MEPE: variants seen among roughly 807,000 people sequenced by gnomAD.
MEPE encodes the protein matrix, extracellular phosphoglycoprotein with ASARM motif (bone).
In MEPE, 7 loss-of-function variants were observed where a neutral mutation model predicts 7.3. That is an observed-to-expected ratio of 0.95 (90% confidence interval 0.54 to 1.79). The LOEUF is 1.79. Ranked by LOEUF, MEPE falls within the 40% of genes most tolerant of loss-of-function variation. MEPE has a pLI of 0.00. For synonymous variants in MEPE, 214 were observed against 213.1 expected, an observed-to-expected ratio of 1.00 and a Z score of -0.04; for missense variants, 623 against 628.2, an observed-to-expected ratio of 0.99 and a Z score of 0.09.
intron 3 of MEPE, chr4:87,839,537 C>G: frequency 1.6e-6 from 1 of 617,896 alleles, no homozygotes; most frequent in Non-Finnish European, 2.9e-6. Flanking sequence ...GACACACACC[C>G]TCCTGTGGTT....
intron 1 of MEPE, among the ~76,000 whole-genome samples, chr4:87,834,064 T>C (rs997464190): frequency 1.3e-5 from 2 of 152,206 alleles, no homozygotes; most frequent in Non-Finnish European, 2.9e-5. Flanking sequence ...CCGCCTAACT[T>C]GTAGGGTTGT....
Position 87,834,711 on chromosome 4 carries a change from A to G in MEPE, c.-4A>G, listed in dbSNP as rs371496001. ...TTGTTGTCTTTTTACAGAGATTCTC[A>G]AAGATGCGAGTTTTCTGTGTGGGAC... On this transcript the variant is annotated 5_prime_UTR_variant, in exon 2 of 4. Transcript: ENST00000361056. 1.4e-4 allele frequency: 230 copies of G among 1,612,948 alleles called. No homozygotes were observed. Among genetic ancestry groups the G allele is most frequent in the Non-Finnish European group, 1.5e-4 (173 of 1,179,540 alleles).
upstream of MEPE, among the ~76,000 whole-genome samples, chr4:87,830,736 T>A (rs189853837): frequency 7.5e-3 from 1,136 of 151,780 alleles, 4 homozygotes; most frequent in Admixed American, 0.016. Flanking sequence ...TAAATAAAAA[T>A]TTTTTTAACA....
chr4:87,831,511 CTCA>C (rs1240984143), upstream of MEPE, among the ~76,000 whole-genome samples: 1 of 152,130 alleles, frequency 6.6e-6, no homozygotes, highest in African/African-American at 2.4e-5. Flanking sequence ...ATGACCACGT[CTCA>C]TCATCCCTTC....
At chr4:87,834,848 T>A in intron 2 of MEPE, 80 bp downstream of exon 2, 1 of 1,209,328 alleles carries the variant, frequency 8.3e-7, no homozygotes, top group Non-Finnish European at 1.2e-6. Context: ...AACGTCTATT[T>A]AAATTAGTAG....
chr4:87,834,744 T>G lies in MEPE; in HGVS notation c.30T>G (p.Leu10=). 6.2e-7 allele frequency: 1 copy of G among 1,613,414 alleles called. No individual in the cohort carries two copies. Among genetic ancestry groups the G allele is most frequent in the Non-Finnish European group, 8.5e-7 (1 of 1,179,682 alleles). The change falls in exon 2 of 4, where the codon CTT becomes CTG. Residue 10 remains leucine, a synonymous_variant. Transcript: ENST00000361056. MRVFCVGLL[L]FSVTWAAPTF... The stretch of plus-strand genomic sequence containing the variant: ...GAGTTTTCTGTGTGGGACTACTCCT[T>G]TTCAGTGTGACCTGGGCAGCACCAG...
At chr4:87,838,774 T>C in intron 3 of MEPE, 89 bp downstream of exon 3, 1 of 1,180,754 alleles carries the variant, frequency 8.5e-7, no homozygotes, top group Non-Finnish European at 1.2e-6. Context: ...CAAAATAGTC[T>C]TGGGCACTTT....
intron 3 of MEPE, among the ~76,000 whole-genome samples, chr4:87,838,909 G>A (rs561047257): frequency 6.6e-6 from 1 of 152,354 alleles, no homozygotes; most frequent in African/African-American, 2.4e-5. Flanking sequence ...TTTCTCCCCA[G>A]TATGATTTCT....
upstream of MEPE, among the ~76,000 whole-genome samples, chr4:87,828,051 T>C (rs1185537953): frequency 6.6e-6 from 1 of 152,204 alleles, no homozygotes; most frequent in Non-Finnish European, 1.5e-5. Flanking sequence ...AATGAAAACA[T>C]TCCTTCTGCT....
intron 1 of MEPE, among the ~76,000 whole-genome samples, chr4:87,824,282 C>T (rs1042449574): frequency 1.3e-5 from 2 of 152,164 alleles, no homozygotes; most frequent in African/African-American, 4.8e-5. Flanking sequence ...TCAAGCTTCC[C>T]CTCAGCTGGC....
At position 87,840,870 on chromosome 4, in the gene MEPE, C is replaced by A. The variant is rs565548668; in HGVS notation, c.108+2185C>A. 2.2e-4 allele frequency among the ~76,000 whole-genome samples: 34 copies of A among 152,226 alleles called. No homozygotes were observed. The South Asian group carries it at 6.6e-3, about 30-fold the overall frequency. On this transcript the variant is annotated intron_variant, in intron 3 of 3. Transcript: ENST00000361056. ...TCTCCATGAAAAAACTCATAGGAAC[C>A]AAAGCATGGAGACAGAAAAGCAGAG...
Position 87,845,543 on chromosome 4 carries a change from T to C in MEPE, c.675T>C (p.His225=), listed in dbSNP as rs759424969. 2 of 1,611,864 alleles carry C rather than the reference T, an allele frequency of 1.2e-6. No homozygotes were observed. Among genetic ancestry groups the C allele is most frequent in the African/African-American group, 2.7e-5 (2 of 74,668 alleles). Residue 225 remains histidine (H), a synonymous_variant, in exon 4 of 4, where the codon CAT becomes CAC. Transcript: ENST00000361056. ...RIQHNIDYLK[H]LSKVKKIPSD... is the part of the protein sequence containing the mutation. Reference sequence around the variant, plus strand: ...AACACAACATTGACTACCTAAAACATCTCTCAAAAGTCAAAAAAATCCCCA... The same window carrying C: ...AACACAACATTGACTACCTAAAACACCTCTCAAAAGTCAAAAAAATCCCCA...
In MEPE at chr4:87,845,347, C is replaced by A. The variant is rs753432480; in HGVS notation, c.479C>A (p.Ala160Glu). The A allele has an allele frequency of 9.9e-6, 16 of 1,613,868 alleles. No homozygotes were observed. The highest frequency in any genetic ancestry group is 1.4e-5 in the Non-Finnish European group (16 of 1,179,898). Reference protein sequence around the residue: ...NMQHIMGPVTAIKLLGEENKE... With the variant: ...NMQHIMGPVTEIKLLGEENKE... Reference sequence around the variant, plus strand: ...CAACATATAATGGGGCCAGTGACTGCGATTAAACTCCTGGGGGAAGAAAAC... The same window carrying A: ...CAACATATAATGGGGCCAGTGACTGAGATTAAACTCCTGGGGGAAGAAAAC... Residue 160 changes from alanine (A) to glutamate (E), a missense_variant, in exon 4 of 4, where the codon GCG (alanine) becomes GAG (glutamate). Physicochemically the swap from Ala to Glu is moderately radical, Grantham distance 107 (BLOSUM62 -1). Transcript: ENST00000361056.
intron 2 of MEPE, among the ~76,000 whole-genome samples, chr4:87,837,991 T>C (rs1722864831): frequency 6.6e-6 from 1 of 152,112 alleles, no homozygotes; most frequent in South Asian, 2.1e-4. Flanking sequence ...CTCAAGAAAT[T>C]TTGACACTTT....
intron 1 of MEPE, among the ~76,000 whole-genome samples, chr4:87,825,244 TAGCC>T (rs1474419260): frequency 6.6e-6 from 1 of 152,198 alleles, no homozygotes; most frequent in Non-Finnish European, 1.5e-5. Flanking sequence ...TCTCACCTCT[TAGCC>T]AGCTGAGGGG....
chr4:87,825,973 T>C (rs1722453693), intron 1 of MEPE, among the ~76,000 whole-genome samples: 2 of 152,244 alleles, frequency 1.3e-5, no homozygotes, highest in Admixed American at 1.3e-4. Flanking sequence ...TTGCTGGGGA[T>C]AATGGCTTCT....
At chr4:87,836,656 C>T (rs905308460) in intron 2 of MEPE, among the ~76,000 whole-genome samples, 1 of 152,106 alleles carries the variant, frequency 6.6e-6, no homozygotes, top group African/African-American at 2.4e-5. Flanking sequence ...TAAAAGATGC[C>T]TTGACGATAA....
At position 87,839,843 on chromosome 4, in the gene MEPE, T is replaced by C. The variant is rs1296892369; in HGVS notation, c.108+1158T>C. On this transcript the variant is annotated intron_variant, in intron 3 of 3. Coordinates refer to ENST00000361056, the MANE Select transcript of MEPE (RefSeq NM_020203.6). ...ACTCTGGACTAGCCCTAGAGGAAAA[T>C]GTAGGGGAGGCAAAGTTTACTTTTG... is the stretch of plus-strand genomic sequence containing the variant. 3.2e-6 allele frequency: 5 copies of C among 1,544,130 alleles called. No homozygotes were observed. In the South Asian group the frequency reaches 4.8e-5, roughly 15 times the overall value.
intron 1 of MEPE, among the ~76,000 whole-genome samples, chr4:87,827,404 G>A (rs1463113): frequency 0.8 from 122,253 of 151,890 alleles, 49,597 homozygotes; most frequent in African/African-American, 0.91. Context: ...GATAAACATG[G>A]AATTAAAAAT....
Sources: allele counts gnomAD v4.1 joint callset (sites outside exome capture counted in the v4.1 genomes callset), GRCh38; gene constraint gnomAD v4.1.1; transcripts MANE v1.5; gene names NCBI Gene and HGNC (gene_info 2026-07-23, HGNC 2026-07-21).